YPEL1: variants seen among roughly 807,000 people sequenced by gnomAD.
YPEL1 encodes the protein yippee like 1, also known as protein yippee-like 1.
In YPEL1, 7 loss-of-function variants were observed where a neutral mutation model predicts 17.3. That is an observed-to-expected ratio of 0.40 (90% CI 0.23 to 0.76). The LOEUF (loss-of-function observed/expected upper bound fraction) is 0.76. Among genes scored for constraint, YPEL1 ranks in the 30% least tolerant of loss-of-function variants. The probability of loss-of-function intolerance (pLI) is 0.35; values close to 1 mark genes in which losing one functional copy is unlikely to be tolerated. For missense variants in YPEL1, 91 were observed against 155.5 expected (o/e 0.59, Z 2.21); for synonymous variants, 59 against 59.6 (o/e 0.99, Z 0.05).
chr22:21,705,165 G>A (rs2068103549), intron 2 of YPEL1, among the ~76,000 whole-genome samples: 1 of 152,196 alleles, frequency 6.6e-6, no homozygotes, highest in Non-Finnish European at 1.5e-5. Context: ...ATATTTTAGA[G>A]ATAGGGTTTC....
intron 1 of YPEL1, among the ~76,000 whole-genome samples, chr22:21,728,425 C>G (rs960744038): frequency 6.6e-6 from 1 of 152,192 alleles, no homozygotes; most frequent in African/African-American, 2.4e-5. Context: ...AGAGCCTTGG[C>G]AAGCCAACAC....
At chr22:21,727,992 C>T (rs776511034) in intron 1 of YPEL1, among the ~76,000 whole-genome samples, 39 of 152,268 alleles carry the variant, frequency 2.6e-4, no homozygotes, top group Non-Finnish European at 4.9e-4. Flanking sequence ...AGAACTGGGG[C>T]GTCTGCTGGG....
At chr22:21,735,271 G>C (rs1337854412) in intron 1 of YPEL1, among the ~76,000 whole-genome samples, 2 of 152,128 alleles carry the variant, frequency 1.3e-5, no homozygotes, top group Non-Finnish European at 2.9e-5. Flanking sequence ...CCCAGTTGAG[G>C]CTGTATTTTT....
intron 1 of YPEL1, among the ~76,000 whole-genome samples, chr22:21,718,259 G>A (rs1027569497): frequency 6.6e-6 from 1 of 151,754 alleles, no homozygotes; most frequent in African/African-American, 2.4e-5. Context: ...GTCAGGAGAT[G>A]GAGACCATCC....
intron 1 of YPEL1, among the ~76,000 whole-genome samples, chr22:21,728,342 C>T (rs2068355388): frequency 6.6e-6 from 1 of 152,124 alleles, no homozygotes. Flanking sequence ...GATGAAAAGG[C>T]CACCGCCATC....
At chr22:21,712,367 T>A (rs369515767) in intron 1 of YPEL1, among the ~76,000 whole-genome samples, 109 of 130,528 alleles carry the variant, frequency 8.4e-4, no homozygotes, top group Non-Finnish European at 1.1e-3. Context: ...TTGGAATATG[T>A]AAAAAAAAAA....
chr22:21,708,418 C>T (rs1435629955), intron 2 of YPEL1, among the ~76,000 whole-genome samples: 1 of 149,026 alleles, frequency 6.7e-6, no homozygotes, highest in East Asian at 2.0e-4. Context: ...TCACTGCAAC[C>T]TCTGCCTCCC....
chr22:21,708,332 T>C (rs1221518866), intron 2 of YPEL1, among the ~76,000 whole-genome samples: 1 of 67,140 alleles, frequency 1.5e-5, no homozygotes, highest in Non-Finnish European at 3.1e-5. Flanking sequence ...GGCTTCTGCC[T>C]TTTTTTTTTT....
rs1182831088 is a variant in YPEL1 at position 21,703,609 on chromosome 22, G to A, written c.162-131C>T. On this transcript the variant is annotated intron_variant, in intron 3 of 4. Coordinates refer to ENST00000339468, the MANE Select transcript of YPEL1 (RefSeq NM_013313.5). The surrounding 1 kb of genome is among the most constrained non-coding windows in gnomAD (Gnocchi z 6.1). ...AGGGAAACTCCCAGAGAGCAGTGCC[G>A]TGCCTCTCCCCCAGCCCTGCCCGCC... is the stretch of plus-strand genomic sequence containing the variant. 4.0e-5 allele frequency: 35 copies of A among 883,910 alleles called. No individual in the cohort carries two copies. The highest frequency in any genetic ancestry group is 3.2e-4 in the Middle Eastern group (1 of 3,116). The allele number at this position is 883,910 out of a possible 1,614,324, so 54.8% of individuals were successfully genotyped here. A position where few individuals can be genotyped will look rare whatever the true frequency, so the allele number is the denominator to read the frequency against.
At chr22:21,712,117 G>C (rs1013184577) in intron 1 of YPEL1, among the ~76,000 whole-genome samples, 2 of 152,110 alleles carry the variant, frequency 1.3e-5, no homozygotes, top group Non-Finnish European at 2.9e-5. Flanking sequence ...TGAGGCTCAA[G>C]TGAGCTGAGA....
chr22:21,706,367 A>C (rs1041027369), intron 2 of YPEL1, among the ~76,000 whole-genome samples: 75 of 142,208 alleles, frequency 5.3e-4, no homozygotes, highest in African/African-American at 1.9e-3. Context: ...CCCGGGAGGC[A>C]GAGGTTGCAG....
intron 1 of YPEL1, among the ~76,000 whole-genome samples, chr22:21,735,403 A>C (rs1004067246): frequency 6.6e-6 from 1 of 152,170 alleles, no homozygotes; most frequent in African/African-American, 2.4e-5. Flanking sequence ...ATCAAAGATT[A>C]GGCGTTGTTG....
intron 1 of YPEL1, among the ~76,000 whole-genome samples, chr22:21,717,005 C>G (rs899740322): frequency 2.0e-5 from 3 of 152,102 alleles, no homozygotes; most frequent in Non-Finnish European, 4.4e-5. Context: ...ATGGGTTTAA[C>G]AGGAATAGGA....
chr22:21,713,797 C>T (rs994943813), intron 1 of YPEL1, among the ~76,000 whole-genome samples: 1 of 152,138 alleles, frequency 6.6e-6, no homozygotes, highest in African/African-American at 2.4e-5. Flanking sequence ...GTCTCATTAA[C>T]AAAAGAAGGT....
At position 21,703,552 on chromosome 22, in the gene YPEL1, C is replaced by A; in HGVS notation, c.162-74G>T. Reference sequence around the variant, plus strand: ...CCAGGCCCTGCCCCCTCAGCGGGCCCCACCCCATCCTCCTAAGAGTTCCCC... The same window carrying A: ...CCAGGCCCTGCCCCCTCAGCGGGCCACACCCCATCCTCCTAAGAGTTCCCC... On this transcript the variant is annotated intron_variant, in intron 3 of 4. Coordinates refer to ENST00000339468, the MANE Select transcript of YPEL1 (RefSeq NM_013313.5). This position sits in a 1 kb window ranked among gnomAD's most constrained non-coding sequence, Gnocchi z 6.1. The A allele has an allele frequency of 7.4e-7, 1 of 1,353,292 alleles. No homozygotes were observed. The highest frequency in any genetic ancestry group is 1.0e-6 in the Non-Finnish European group (1 of 960,546). 83.8% of individuals were successfully genotyped at this position (1,353,292 alleles called of 1,614,324 possible).
chr22:21,718,914 C>T (rs1466717597), intron 1 of YPEL1, among the ~76,000 whole-genome samples: 1 of 152,180 alleles, frequency 6.6e-6, no homozygotes, highest in Non-Finnish European at 1.5e-5. Flanking sequence ...AAACCTTAAA[C>T]TCTTTTTCTT....
At chr22:21,711,112 CTCCTGGG>C (rs2068161172) in intron 1 of YPEL1, among the ~76,000 whole-genome samples, 2 of 151,846 alleles carry the variant, frequency 1.3e-5, no homozygotes, top group African/African-American at 4.8e-5. Flanking sequence ...CAACCTCCTC[CTCCTGGG>C]TTCAAGCGAT....
rs2068285626 is a variant in YPEL1, at chr22:21,721,690, C to T, written c.-164-10782G>A. ...CCACCTGCTTTGGCCTTCCAAAGGG[C>T]TGGGATTACAGGCCTGAGCCACTGT... is the stretch of plus-strand genomic sequence containing the variant. On this transcript the variant is annotated intron_variant, in intron 1 of 4. Transcript: ENST00000339468. Among the ~76,000 whole-genome samples, 3 of 152,196 alleles carry T rather than the reference C, an allele frequency of 2.0e-5. No homozygotes were observed. In the East Asian group the frequency reaches 5.8e-4, roughly 29 times the overall value.
chr22:21,711,898 G>A (rs914314995), intron 1 of YPEL1, among the ~76,000 whole-genome samples: 21 of 152,200 alleles, frequency 1.4e-4, no homozygotes, highest in African/African-American at 4.3e-4. Flanking sequence ...CTTCTGGCTC[G>A]GTGCAGTGCT....
Sources: gnomAD v4.1 joint callset for allele counts (sites outside exome capture counted in the v4.1 genomes callset) on GRCh38, gnomAD v4.1.1 for gene constraint, Gnocchi (gnomAD v3.1) non-coding constraint, MANE v1.5 for transcripts, NCBI Gene and HGNC (gene_info 2026-07-23, HGNC 2026-07-21) for gene names.